Variants in ESYT2 observed in about 807,000 individuals in gnomAD.
ESYT2 encodes the protein extended synaptotagmin-2.
ESYT2 carries 54 observed loss-of-function variants against 107.2 expected under a neutral mutation model. The ratio of observed to expected loss-of-function variants is 0.50; its 90% CI spans 0.40 to 0.63. The LOEUF (loss-of-function observed/expected upper bound fraction) is 0.63, where lower values mean the gene tolerates loss of function less well. Among genes scored for constraint, ESYT2 ranks in the 30% least tolerant of loss-of-function variants. The pLI is 0.00. For synonymous variants in ESYT2, 491 were observed against 434.1 expected (o/e 1.13, Z -1.63); for missense variants, 1,020 against 1,094.5 (o/e 0.93, Z 0.96).
At chr7:158,761,353 TATGTTAAGTAA>T (rs1191924657) in intron 11 of ESYT2, 132 bp downstream of exon 11, 1 of 676,370 alleles carries the variant, frequency 1.5e-6, no homozygotes, top group African/African-American at 1.8e-5. Flanking sequence ...ATTCTTAGTA[TATGTTAAGTAA>T]ATGTTGTTCA....
intron 1 of ESYT2, among the ~76,000 whole-genome samples, chr7:158,818,987 C>T (rs1317186571): frequency 6.6e-6 from 1 of 152,248 alleles, no homozygotes; most frequent in African/African-American, 2.4e-5. Flanking sequence ...ACCAATTCAA[C>T]AAATCATCAT....
At chr7:158,773,307 A>ACGCTAAG in intron 7 of ESYT2, 34 bp downstream of exon 7, 1 of 1,613,244 alleles carries the variant, frequency 6.2e-7, no homozygotes, top group Non-Finnish European at 8.5e-7. Flanking sequence ...ACGCCCTCGA[A>ACGCTAAG]CGCTAAGCCT....
At chr7:158,757,924 T>C (rs1471872312) in intron 13 of ESYT2, among the ~76,000 whole-genome samples, 3 of 152,228 alleles carry the variant, frequency 2.0e-5, no homozygotes. Flanking sequence ...TCAGGCATTA[T>C]GGAAGCCTTT....
At chr7:158,792,160 CTTTTT>C (rs113589859) in intron 4 of ESYT2, among the ~76,000 whole-genome samples, 1 of 123,350 alleles carries the variant, frequency 8.1e-6, no homozygotes, top group Non-Finnish European at 1.7e-5. Context: ...TCCACGAGTT[CTTTTT>C]TTTTTTTTTT....
chr7:158,756,882 C>G (rs1465480731), intron 13 of ESYT2, among the ~76,000 whole-genome samples: 1 of 143,694 alleles, frequency 7.0e-6, no homozygotes, highest in Admixed American at 7.1e-5. Context: ...GCACTCCAGC[C>G]TGGGCAAGAA....
intron 18 of ESYT2, 108 bp downstream of exon 18, chr7:158,741,415 C>G (rs2129471313): frequency 6.9e-7 from 1 of 1,459,540 alleles, no homozygotes; most frequent in Admixed American, 2.4e-5. Context: ...GCCTCCCTCC[C>G]CAAAGCATGC....
chr7:158,762,874 C>G (rs1476956434), intron 10 of ESYT2, among the ~76,000 whole-genome samples: 1 of 152,088 alleles, frequency 6.6e-6, no homozygotes. Flanking sequence ...ATAGACAGCA[C>G]AGATCTAGAA....
At position 158,733,903 on chromosome 7, in the gene ESYT2, A is replaced by C; in HGVS notation, c.*304T>G. 2.8e-6 allele frequency: 1 copy of C among 352,126 alleles called. No homozygotes were observed. The highest frequency in any genetic ancestry group is 6.3e-5 in the East Asian group (1 of 15,914). 21.8% of individuals were successfully genotyped at this position (352,126 alleles called of 1,614,324 possible). On this transcript the variant is annotated 3_prime_UTR_variant, in exon 23 of 23. Transcript: ENST00000275418. ...CTCAGTGATATATAAACAAGGCCATAATAAAGCACAGACACATCCGACTCC... is the reference window on the plus strand; with the variant it reads ...CTCAGTGATATATAAACAAGGCCATCATAAAGCACAGACACATCCGACTCC...
chr7:158,829,492 C>T lies in ESYT2; in HGVS notation c.-74G>A. The T allele has an allele frequency of 2.4e-6, 3 of 1,235,920 alleles. No individual in the cohort carries two copies. Among genetic ancestry groups the T allele is most frequent in the Non-Finnish European group, 3.0e-6 (3 of 989,534 alleles). The allele number at this position is 1,235,920 out of a possible 1,614,324, so 76.6% of individuals were successfully genotyped here. The stretch of plus-strand genomic sequence containing the variant: ...CGCGCTGATCCCGGGCGGCTCAGCC[C>T]CGCGCCAGCGCCCCTCTGAGGGGAC... On this transcript the variant is annotated 5_prime_UTR_variant, in exon 1 of 23. Transcript: ENST00000275418.
chr7:158,770,583 T>C (rs1424766505), intron 7 of ESYT2, among the ~76,000 whole-genome samples: 2 of 151,828 alleles, frequency 1.3e-5, no homozygotes, highest in Non-Finnish European at 2.9e-5. Flanking sequence ...GGCGCGATCT[T>C]TGCTCAGTGC....
intron 1 of ESYT2, chr7:158,827,684 C>G (rs1057465172): frequency 3.3e-5 from 5 of 152,208 alleles, no homozygotes; most frequent in Non-Finnish European, 7.3e-5. Flanking sequence ...TTGTCTTGGG[C>G]ACGCCTCCTT....
chr7:158,735,426 G>A, intron 21 of ESYT2, 77 bp downstream of exon 21: 2 of 1,241,006 alleles, frequency 1.6e-6, no homozygotes, highest in Non-Finnish European at 2.4e-6. Context: ...CACAGACATG[G>A]TCTAAACACT....
At chr7:158,751,802 T>G (rs1837594823) in intron 14 of ESYT2, among the ~76,000 whole-genome samples, 1 of 152,372 alleles carries the variant, frequency 6.6e-6, no homozygotes, top group South Asian at 2.1e-4. Flanking sequence ...CAGTCTGATT[T>G]CAGGGCCTTC....
chr7:158,812,923 G>A (rs927703641), intron 1 of ESYT2, among the ~76,000 whole-genome samples: 1 of 152,214 alleles, frequency 6.6e-6, no homozygotes, highest in Admixed American at 6.5e-5. Context: ...ATGGGTTGGG[G>A]GAGGGGAAAC....
chr7:158,744,122 G>T (rs960011327), intron 16 of ESYT2: 2 of 154,072 alleles, frequency 1.3e-5, no homozygotes, highest in African/African-American at 4.8e-5. Flanking sequence ...CTGTAAGAAA[G>T]ATATTTTTAA....
chr7:158,800,135 G>A (rs1474838607), intron 1 of ESYT2, among the ~76,000 whole-genome samples: 3 of 147,754 alleles, frequency 2.0e-5, no homozygotes, highest in South Asian at 2.2e-4. Context: ...TGCAACCTCC[G>A]CCTCCCGGGT....
chr7:158,770,578 G>C (rs1433935071), intron 7 of ESYT2, among the ~76,000 whole-genome samples: 2 of 151,646 alleles, frequency 1.3e-5, no homozygotes, highest in Non-Finnish European at 1.5e-5. Flanking sequence ...GCAGTGGCGC[G>C]ATCTTTGCTC....
At chr7:158,826,908 T>C (rs1840468123) in intron 1 of ESYT2, among the ~76,000 whole-genome samples, 1 of 151,172 alleles carries the variant, frequency 6.6e-6, no homozygotes, top group Non-Finnish European at 1.5e-5. Context: ...CTCACGCCTG[T>C]AATCCCTGCA....
At chr7:158,797,856 G>GGA in intron 3 of ESYT2, 86 bp downstream of exon 3, 1 of 1,231,986 alleles carries the variant, frequency 8.1e-7, no homozygotes, top group Non-Finnish European at 1.1e-6. Context: ...TCCGTCTCAA[G>GGA]AAAAAAAAAA....
Sources: gnomAD v4.1 joint callset for allele counts (sites outside exome capture counted in the v4.1 genomes callset) on GRCh38, gnomAD v4.1.1 for gene constraint, MANE v1.5 for transcripts, NCBI Gene and HGNC (gene_info 2026-07-23, HGNC 2026-07-21) for gene names.